The following EVC2 variants were observed in gnomAD, a reference collection of about 807,000 sequenced individuals.
The protein encoded by EVC2 is EvC ciliary complex subunit 2, also known as limbin.
EVC2 carries 148 observed loss-of-function variants against 149.3 expected under a neutral mutation model. That is an observed-to-expected ratio of 0.99 (90% CI 0.87 to 1.14). The LOEUF (loss-of-function observed/expected upper bound fraction) is 1.14. Among genes scored for constraint, EVC2 ranks in the 50% most tolerant of loss-of-function variants. The pLI, the probability that EVC2 is intolerant of heterozygous loss-of-function variation, is 0.00. For missense variants in EVC2, 1,854 were observed against 1,627.3 expected (o/e 1.14, Z -2.40); for synonymous variants, 776 against 649.9 (o/e 1.19, Z -2.95).
chr4:5,601,059 T>C (rs1009973255), intron 16 of EVC2, among the ~76,000 whole-genome samples: 3 of 152,316 alleles, frequency 2.0e-5, no homozygotes, highest in African/African-American at 7.2e-5. Flanking sequence ...CGGTCTTTTT[T>C]GGGGGATTCA....
chr4:5,540,093 G>A (rs1443365997), downstream of EVC2, among the ~76,000 whole-genome samples: 4 of 152,106 alleles, frequency 2.6e-5, no homozygotes, highest in Non-Finnish European at 5.9e-5. Flanking sequence ...CAAATGGTTG[G>A]CAGACAAACA....
At chr4:5,592,414 G>A (rs1208833274) in intron 16 of EVC2, among the ~76,000 whole-genome samples, 1 of 152,216 alleles carries the variant, frequency 6.6e-6, no homozygotes, top group Non-Finnish European at 1.5e-5. Context: ...GGCATTGAGA[G>A]AGGTCTTATT....
At chr4:5,634,385 C>T (rs1362257927) in intron 10 of EVC2, among the ~76,000 whole-genome samples, 2 of 152,154 alleles carry the variant, frequency 1.3e-5, no homozygotes, top group Non-Finnish European at 2.9e-5. Flanking sequence ...CCAGTTATGT[C>T]GGTTCATCCA....
chr4:5,649,227 A>G (rs78697194), intron 9 of EVC2, among the ~76,000 whole-genome samples: 1,814 of 152,256 alleles, frequency 0.012, 28 homozygotes, highest in African/African-American at 0.042. Flanking sequence ...AGGTCACAAA[A>G]ATGTCATCTT....
intron 6 of EVC2, among the ~76,000 whole-genome samples, chr4:5,684,353 G>A (rs1424647979): frequency 2.6e-5 from 4 of 152,084 alleles, no homozygotes; most frequent in African/African-American, 4.8e-5. Flanking sequence ...CACTGGCCTC[G>A]CAGCCTCAGG....
At chr4:5,624,630 C>G (rs922464371) in intron 13 of EVC2, among the ~76,000 whole-genome samples, 3 of 152,156 alleles carry the variant, frequency 2.0e-5, no homozygotes, top group Non-Finnish European at 4.4e-5. Flanking sequence ...GGAGTCTATC[C>G]TTCTTTCTAG....
chr4:5,634,271 C>T (rs760570726), intron 10 of EVC2, among the ~76,000 whole-genome samples: 1 of 152,208 alleles, frequency 6.6e-6, no homozygotes, highest in East Asian at 1.9e-4. Flanking sequence ...TCACAGCTGA[C>T]TTGATCTAAA....
chr4:5,537,076 G>A, the EVC2 span, among the ~76,000 whole-genome samples: 2 of 152,184 alleles, frequency 1.3e-5, no homozygotes, highest in African/African-American at 4.8e-5. Flanking sequence ...TAGTTTTCAA[G>A]GTGTTGGACA....
chr4:5,629,486 T>C (rs796146145), intron 11 of EVC2, among the ~76,000 whole-genome samples: 34 of 152,344 alleles, frequency 2.2e-4, no homozygotes, highest in African/African-American at 7.2e-4. Flanking sequence ...GCATAGTAAT[T>C]AGACCAGGAA....
rs1277467486 is a variant in EVC2 at position 5,696,069 on chromosome 4, C to T, written c.283+1524G>A. Among the ~76,000 whole-genome samples, 9 of 152,258 alleles carry T rather than the reference C, an allele frequency of 5.9e-5. No homozygotes were observed. The East Asian group carries it at 1.5e-3, about 26-fold the overall frequency. ...ACAAGTGGGTGCTCCACCAGGTGAG[C>T]GGCTGATTCAGAGCATCGGGAATGT... On this transcript the variant is annotated intron_variant, in intron 2 of 21. Coordinates refer to ENST00000344408, the MANE Select transcript of EVC2 (RefSeq NM_147127.5). This position sits in a 1 kb window ranked among gnomAD's most constrained non-coding sequence, Gnocchi z 4.1.
chr4:5,685,406 C>A lies in EVC2; in HGVS notation c.780G>T (p.Lys260Asn), dbSNP rs1186247619. ...TCTGAAAGGTGAGTTGGGCAGGAAG[C>A]TTGAGGCTCTCCCCGTTCCCGAGGT... is the stretch of plus-strand genomic sequence containing the variant. ...AGDLGNGESLKLPAQLTFQSS... is the reference protein window; with the variant it reads ...AGDLGNGESLNLPAQLTFQSS... The change falls in exon 6 of 22, where the codon AAG (lysine) becomes AAT (asparagine). Residue 260 changes from lysine to asparagine, a missense_variant. By Grantham distance (94) the Lys-to-Asn change is moderately conservative. Transcript: ENST00000344408. 2.5e-6 allele frequency: 4 copies of A among 1,614,218 alleles called. No homozygotes were observed. The highest frequency in any genetic ancestry group is 3.4e-6 in the Non-Finnish European group (4 of 1,180,034).
In EVC2 at chr4:5,592,848, C is replaced by T. The variant is rs77647368; in HGVS notation, c.2830-7998G>A. 7.7e-3 allele frequency among the ~76,000 whole-genome samples: 1,178 copies of T among 152,236 alleles called. 12 individuals are homozygous for T. Among genetic ancestry groups the T allele is most frequent in the African/African-American group, 0.027 (1,104 of 41,552 alleles). On this transcript the variant is annotated intron_variant, in intron 16 of 21. Coordinates refer to ENST00000344408, the MANE Select transcript of EVC2 (RefSeq NM_147127.5). ...ACAGCCCGCCCCAAGGGAAGAAACA[C>T]GGGAGAAGGGATGTGATATGGTTTG...
chr4:5,708,523 GGACCCGCTACCT>G lies in EVC2; in HGVS notation c.-22_-11del. On this transcript the variant is annotated 5_prime_UTR_variant, in exon 1 of 22. Coordinates refer to ENST00000344408, the MANE Select transcript of EVC2 (RefSeq NM_147127.5). ...AGCCCGAGGGGTCCATCGCCTGTCG[GGACCCGCTACCT>G]CAAAGCGGCGGGTGCCGCCGAGTCG... The G allele has an allele frequency of 6.9e-7, 1 of 1,448,462 alleles. No individual in the cohort carries two copies. Among genetic ancestry groups the G allele is most frequent in the Non-Finnish European group, 9.0e-7 (1 of 1,107,996 alleles). The allele number at this position is 1,448,462 out of a possible 1,614,324, so 89.7% of individuals were successfully genotyped here.
At chr4:5,655,960 G>A (rs1015145326) in intron 9 of EVC2, among the ~76,000 whole-genome samples, 1 of 152,302 alleles carries the variant, frequency 6.6e-6, no homozygotes, top group South Asian at 2.1e-4. Flanking sequence ...TATTTCATGA[G>A]CATCTGCCAT....
At position 5,576,223 on chromosome 4, in the gene EVC2, C is replaced by A; in HGVS notation, c.3272+17G>T. 1 of 1,614,058 alleles carries A rather than the reference C, an allele frequency of 6.2e-7. No homozygotes were observed. The highest frequency in any genetic ancestry group is 8.5e-7 in the Non-Finnish European group (1 of 1,180,030). The stretch of plus-strand genomic sequence containing the variant: ...TGGGGACTAATATCTTTGAGTGCTA[C>A]GGGGCACACGGCATACCACTGCTGA... On this transcript the variant is annotated intron_variant, in intron 18 of 21. Transcript: ENST00000344408. The surrounding 1 kb of genome is among the most constrained non-coding windows in gnomAD (Gnocchi z 4.5).
At chr4:5,623,347 A>AT (rs903870064) in intron 13 of EVC2, among the ~76,000 whole-genome samples, 62 of 143,542 alleles carry the variant, frequency 4.3e-4, no homozygotes, top group East Asian at 1.0e-3. Context: ...TATTTTTTTT[A>AT]TTTTTTTTTT....
chr4:5,640,379 T>C lies in EVC2; in HGVS notation c.1470+135A>G. The C allele has an allele frequency of 9.8e-7, 1 of 1,016,578 alleles. No homozygotes were observed. Among genetic ancestry groups the C allele is most frequent in the Admixed American group, 1.7e-5 (1 of 58,950 alleles). The allele number at this position is 1,016,578 out of a possible 1,614,324, so 63.0% of individuals were successfully genotyped here. ...ATGAATGAATGGAAGGATGAATAGA[T>C]GAATGAGTGGGTGGTTGGATGGATG... On this transcript the variant is annotated intron_variant, in intron 10 of 21. Transcript: ENST00000344408. This position sits in a 1 kb window ranked among gnomAD's most constrained non-coding sequence, Gnocchi z 4.6.
intron 6 of EVC2, among the ~76,000 whole-genome samples, chr4:5,684,689 G>C (rs1720573090): frequency 6.6e-6 from 1 of 152,150 alleles, no homozygotes; most frequent in East Asian, 1.9e-4. Flanking sequence ...GGTGTTATGG[G>C]CCAGACTGTG....
chr4:5,535,190 C>T, the EVC2 span, among the ~76,000 whole-genome samples: 1 of 152,172 alleles, frequency 6.6e-6, no homozygotes, highest in Admixed American at 6.5e-5. The surrounding 1 kb of genome is among the most constrained non-coding windows in gnomAD (Gnocchi z 4.7). Flanking sequence ...GCACAGACAT[C>T]TCAGCTCCCA....
Sources: allele counts gnomAD v4.1 joint callset (sites outside exome capture counted in the v4.1 genomes callset), GRCh38; gene constraint gnomAD v4.1.1; non-coding constraint Gnocchi (gnomAD v3.1); transcripts MANE v1.5; gene names NCBI Gene and HGNC (gene_info 2026-07-23, HGNC 2026-07-21).